The following LCK variants were observed in gnomAD, a reference collection of about 807,000 sequenced individuals.
LCK encodes the protein tyrosine-protein kinase Lck.
In LCK, 14 loss-of-function variants were observed where a neutral mutation model predicts 64.6. That is an observed-to-expected ratio of 0.22 (90% confidence interval 0.14 to 0.34). LCK has a LOEUF of 0.34. Among genes scored for constraint, LCK ranks in the 10% least tolerant of loss-of-function variants. The pLI, the probability that LCK is intolerant of heterozygous loss-of-function variation, is 1.00. For synonymous variants in LCK, 277 were observed against 263.6 expected (o/e 1.05, Z -0.49); for missense variants, 434 against 668.1 (o/e 0.65, Z 3.86).
Position 32,253,124 on chromosome 1 carries a change from G to A in LCK, c.-6+1753G>A, listed in dbSNP as rs905239008. On this transcript the variant is annotated intron_variant, in intron 1 of 12. Transcript: ENST00000336890. Reference sequence around the variant, plus strand: ...CTCACACCTGTAATCCCAGCACTTTGGGAGGCTGAGGCGGGCAGATCATTT... The same window carrying A: ...CTCACACCTGTAATCCCAGCACTTTAGGAGGCTGAGGCGGGCAGATCATTT... Among the ~76,000 whole-genome samples the A allele has an allele frequency of 3.3e-5, 5 of 152,134 alleles. No individual in the cohort carries two copies. The East Asian group carries it at 9.6e-4, about 29-fold the overall frequency.
At chr1:32,285,161 C>T (rs550252713) in intron 12 of LCK, among the ~76,000 whole-genome samples, 4 of 151,866 alleles carry the variant, frequency 2.6e-5, no homozygotes, top group African/African-American at 9.7e-5. Context: ...ATTAGCTTGG[C>T]GTGGTGGTGC....
Position 32,275,778 on chromosome 1 carries a change from ACGCGGGATGAGCCCGAGGTGGGGG to A in LCK, c.481+117_482-102del. 3 of 1,339,162 alleles carry A rather than the reference ACGCGGGATGAGCCCGAGGTGGGGG, an allele frequency of 2.2e-6. No individual in the cohort carries two copies. The highest frequency in any genetic ancestry group is 3.0e-6 in the Non-Finnish European group (3 of 992,702). 83.0% of individuals were successfully genotyped at this position (1,339,162 alleles called of 1,614,324 possible). A position where few individuals can be genotyped will look rare whatever the true frequency, so the allele number is the denominator to read the frequency against. On this transcript the variant is annotated intron_variant, in intron 6 of 12. Transcript: ENST00000336890. The surrounding 1 kb of genome is among the most constrained non-coding windows in gnomAD (Gnocchi z 6.9). ...GAGACACGGGGTGAGTCGGAGGGGGACGCGGGATGAGCCCGAGGTGGGGGCGCGGGATGACCCGGAGTTGGGGGT... is the reference window on the plus strand; with the variant it reads ...GAGACACGGGGTGAGTCGGAGGGGGACGCGGGATGACCCGGAGTTGGGGGT...
intron 1 of LCK, among the ~76,000 whole-genome samples, chr1:32,266,945 A>T (rs1361989846): frequency 1.3e-5 from 2 of 149,334 alleles, no homozygotes; most frequent in Non-Finnish European, 3.0e-5. Flanking sequence ...AGGCTCCAAG[A>T]ATGTCAAGCC....
At chr1:32,274,536 C>G in intron 2 of LCK, 102 bp downstream of exon 2, 1 of 1,021,494 alleles carries the variant, frequency 9.8e-7, no homozygotes, top group Non-Finnish European at 1.4e-6. Flanking sequence ...AATAGAGTGG[C>G]CCTCTCCCCT....
chr1:32,261,878 G>C (rs1639782836), intron 1 of LCK, among the ~76,000 whole-genome samples: 1 of 146,674 alleles, frequency 6.8e-6, no homozygotes, highest in African/African-American at 2.5e-5. Flanking sequence ...GCTTGAACCT[G>C]GGAGGCAGAG....
rs1640284019 is a variant in LCK, at chr1:32,276,719, G to T, written c.897G>T (p.Arg299=). 1 of 1,614,046 alleles carries T rather than the reference G, an allele frequency of 6.2e-7. No individual in the cohort carries two copies. Among genetic ancestry groups the T allele is most frequent in the Non-Finnish European group, 8.5e-7 (1 of 1,179,986 alleles). The change falls in exon 9 of 13, where the codon CGG becomes CGT. Residue 299 remains arginine, a synonymous_variant. Transcript: ENST00000336890. This position sits in a 1 kb window ranked among gnomAD's most constrained non-coding sequence, Gnocchi z 4.6. ...TCATGAAGCAGCTGCAACACCAGCGGCTGGTTCGGCTCTACGCTGTGGTCA... is the reference window on the plus strand; with the variant it reads ...TCATGAAGCAGCTGCAACACCAGCGTCTGGTTCGGCTCTACGCTGTGGTCA... ...ANLMKQLQHQ[R]LVRLYAVVTQ... is the part of the protein sequence containing the mutation.
chr1:32,285,457 C>CT (rs1640587083), intron 12 of LCK, 57 bp from the exon 13 acceptor site: 3 of 1,485,376 alleles, frequency 2.0e-6, no homozygotes, highest in African/African-American at 2.8e-5. Flanking sequence ...GAACATTACC[C>CT]TTGCCTGTGG....
chr1:32,280,376 C>T (rs1229831361), intron 12 of LCK, among the ~76,000 whole-genome samples, 166 bp downstream of exon 12: 1 of 150,340 alleles, frequency 6.7e-6, no homozygotes, highest in African/African-American at 2.4e-5. Flanking sequence ...TCTCCCAGGG[C>T]TGGCTTCCAT....
At chr1:32,278,870 G>A (rs1467752540) in intron 9 of LCK, among the ~76,000 whole-genome samples, 2 of 152,148 alleles carry the variant, frequency 1.3e-5, no homozygotes, top group African/African-American at 2.4e-5. Context: ...CCTTTTACAG[G>A]GTTTTAATCT....
intron 1 of LCK, 34 bp from the exon 2 acceptor site, chr1:32,274,291 G>A: frequency 1.9e-6 from 3 of 1,613,746 alleles, no homozygotes; most frequent in Non-Finnish European, 2.5e-6. Context: ...AGATCTTGGG[G>A]GAGCCCCTTC....
chr1:32,267,892 C>G (rs1639966410), intron 1 of LCK, among the ~76,000 whole-genome samples: 1 of 144,412 alleles, frequency 6.9e-6, no homozygotes, highest in Non-Finnish European at 1.5e-5. Flanking sequence ...GAAACTCTGT[C>G]TCAAAAAATA....
In LCK at chr1:32,279,765, G is replaced by C. The variant is rs767064344; in HGVS notation, c.1041+18G>C. ...CAGCCCAAGTAAGGAGACTGGGGAGGGGGGCTGGGCAAGGGAACAGACCAG... is the reference window on the plus strand; with the variant it reads ...CAGCCCAAGTAAGGAGACTGGGGAGCGGGGCTGGGCAAGGGAACAGACCAG... On this transcript the variant is annotated intron_variant, in intron 10 of 12. Coordinates refer to ENST00000336890, the MANE Select transcript of LCK (RefSeq NM_005356.5). The C allele has an allele frequency of 6.8e-6, 11 of 1,609,408 alleles. No homozygotes were observed. The Admixed American group carries it at 8.3e-5, about 12-fold the overall frequency.
chr1:32,283,818 C>T (rs984807365), intron 12 of LCK, among the ~76,000 whole-genome samples: 2 of 152,068 alleles, frequency 1.3e-5, no homozygotes, highest in African/African-American at 4.8e-5. Flanking sequence ...CCCATCCTGC[C>T]CTGGGCCCTG....
intron 12 of LCK, among the ~76,000 whole-genome samples, chr1:32,283,018 G>A (rs925314831): frequency 2.0e-5 from 3 of 151,434 alleles, no homozygotes; most frequent in African/African-American, 7.3e-5. Flanking sequence ...CCAGCCAGGC[G>A]TGGTGGGTCA....
Position 32,274,718 on chromosome 1 carries a change from C to A in LCK, c.106-19C>A. 1 of 1,555,346 alleles carries A rather than the reference C, an allele frequency of 6.4e-7. No individual in the cohort carries two copies. ...CAATCTTCTGCTTTCTGACCCCACC[C>A]TCATCCCCCACTCCACAGCTGCTCA... On this transcript the variant is annotated intron_variant, in intron 2 of 12. Transcript: ENST00000336890.
At chr1:32,263,607 C>T (rs915954236) in intron 1 of LCK, among the ~76,000 whole-genome samples, 3 of 151,874 alleles carry the variant, frequency 2.0e-5, no homozygotes, top group Admixed American at 6.6e-5. Flanking sequence ...GGCATGGTGG[C>T]TTATGCCTGT....
At position 32,286,085 on chromosome 1, in the gene LCK, T is replaced by G. The variant is rs752548006; in HGVS notation, c.*369T>G. 2 of 353,194 alleles carry G rather than the reference T, an allele frequency of 5.7e-6. No homozygotes were observed. The highest frequency in any genetic ancestry group is 1.1e-5 in the Non-Finnish European group (2 of 188,626). The allele number at this position is 353,194 out of a possible 1,614,324, so 21.9% of individuals were successfully genotyped here. On this transcript the variant is annotated 3_prime_UTR_variant, in exon 13 of 13. Transcript: ENST00000336890. ...GTTCCTCAAGGGCCAGGACTTTATC[T>G]AATACCTCTGTGTGCTCCTCCTTGG...
chr1:32,264,571 C>A (rs1448980747), intron 1 of LCK, among the ~76,000 whole-genome samples: 1 of 151,946 alleles, frequency 6.6e-6, no homozygotes, highest in African/African-American at 2.4e-5. Context: ...AATCACTGAA[C>A]CTCTCCTTTT....
At chr1:32,283,695 T>C (rs1264056299) in intron 12 of LCK, among the ~76,000 whole-genome samples, 1 of 152,032 alleles carries the variant, frequency 6.6e-6, no homozygotes, top group African/African-American at 2.4e-5. Flanking sequence ...CCTTCTCAAG[T>C]CCAAGCAAGG....
Sources: gnomAD v4.1 joint callset for allele counts (sites outside exome capture counted in the v4.1 genomes callset) on GRCh38, gnomAD v4.1.1 for gene constraint, Gnocchi (gnomAD v3.1) non-coding constraint, MANE v1.5 for transcripts, NCBI Gene and HGNC (gene_info 2026-07-23, HGNC 2026-07-21) for gene names.